Variants in INSL6 observed in about 807,000 individuals in gnomAD.
INSL6 encodes insulin-like peptide INSL6.
INSL6 carries 16 observed loss-of-function variants against 9.4 expected under a neutral mutation model. That is an observed-to-expected ratio of 1.70 (90% CI 1.15 to 2.59). The LOEUF (loss-of-function observed/expected upper bound fraction) is 2.59, where lower values mean the gene tolerates loss of function less well. INSL6 is among the 30% of genes most tolerant of loss of function. INSL6 has a pLI of 0.00. For missense variants in INSL6, 391 were observed against 257.3 expected (o/e 1.52, Z -3.56); for synonymous variants, 154 against 96.9 (o/e 1.59, Z -3.46).
chr9:5,061,263 A>G, the INSL6 span, among the ~76,000 whole-genome samples: 11 of 152,224 alleles, frequency 7.2e-5, no homozygotes, highest in Non-Finnish European at 1.3e-4. Context: ...GGGTCAGCCT[A>G]TCCTTTGAAG....
At chr9:5,111,012 G>A in the INSL6 span, 3 of 752,916 alleles carry the variant, frequency 4.0e-6, no homozygotes, top group Non-Finnish European at 6.7e-6. Flanking sequence ...CCAACGGGAA[G>A]GGCCGGCCCG....
intron 3 of INSL6, chr9:5,127,447 T>C (rs1247938802): frequency 1.3e-5 from 3 of 231,348 alleles, no homozygotes; most frequent in Non-Finnish European, 2.6e-5. Context: ...CTAGTTTTAT[T>C]TGTATAGGAA....
At chr9:5,054,969 T>C in the INSL6 span, 3 of 974,180 alleles carry the variant, frequency 3.1e-6, no homozygotes, top group Non-Finnish European at 4.5e-6. This position sits in a 1 kb window ranked among gnomAD's most constrained non-coding sequence, Gnocchi z 4.9. Context: ...ATTTGCAACA[T>C]GGTATTGCAC....
At chr9:5,049,573 T>G in the INSL6 span, among the ~76,000 whole-genome samples, 1 of 152,216 alleles carries the variant, frequency 6.6e-6, no homozygotes, top group African/African-American at 2.4e-5. Context: ...TGAAGGAGCT[T>G]TTGTGTGGTG....
the INSL6 span, among the ~76,000 whole-genome samples, chr9:5,095,478 G>A: frequency 6.6e-6 from 1 of 151,904 alleles, no homozygotes; most frequent in African/African-American, 2.4e-5. Context: ...CCGGGCAATG[G>A]ACAATAATAA....
the INSL6 span, among the ~76,000 whole-genome samples, chr9:5,026,027 C>A: frequency 3.9e-5 from 6 of 151,918 alleles, no homozygotes; most frequent in Admixed American, 3.9e-4. Context: ...TTCTTATTAT[C>A]CTTGACAAAG....
the INSL6 span, among the ~76,000 whole-genome samples, chr9:5,088,684 T>TG: frequency 3.3e-5 from 5 of 152,242 alleles, no homozygotes; most frequent in African/African-American, 1.2e-4. Context: ...CTGGAAAGTC[T>TG]GAGATCAAAG....
chr9:5,054,564 TAC>T, the INSL6 span: 4 of 1,573,346 alleles, frequency 2.5e-6, no homozygotes, highest in Non-Finnish European at 3.5e-6. The surrounding 1 kb of genome is among the most constrained non-coding windows in gnomAD (Gnocchi z 4.9). Flanking sequence ...TATCCCTAGC[TAC>T]AAGACATTCT....
chr9:5,022,134 A>G, the INSL6 span: 3 of 1,614,198 alleles, frequency 1.9e-6, no homozygotes, highest in South Asian at 2.2e-5. Context: ...CCCTTGGGAA[A>G]TCTGAGGCAG....
At chr9:5,036,907 C>T in the INSL6 span, among the ~76,000 whole-genome samples, 4 of 152,246 alleles carry the variant, frequency 2.6e-5, no homozygotes, top group South Asian at 4.1e-4. Context: ...AAAGAAACTA[C>T]CATCAGAGTG....
the INSL6 span, among the ~76,000 whole-genome samples, chr9:5,043,808 A>G: frequency 1.3e-5 from 2 of 152,254 alleles, no homozygotes; most frequent in African/African-American, 4.8e-5. Flanking sequence ...ATGTGGATGA[A>G]CCTTGAAAAC....
the INSL6 span, among the ~76,000 whole-genome samples, chr9:5,073,179 T>C: frequency 6.6e-6 from 1 of 152,236 alleles, no homozygotes; most frequent in South Asian, 2.1e-4. Context: ...TAATCCAGAA[T>C]ACCACAGTAT....
chr9:5,050,135 G>GAAGAT, the INSL6 span, among the ~76,000 whole-genome samples: 1 of 152,078 alleles, frequency 6.6e-6, no homozygotes, highest in East Asian at 1.9e-4. Flanking sequence ...TTTTTATGTA[G>GAAGAT]AAGATATAAT....
intron 2 of INSL6, among the ~76,000 whole-genome samples, chr9:5,139,558 A>C (rs1378148314): frequency 6.6e-6 from 1 of 152,196 alleles, no homozygotes; most frequent in Non-Finnish European, 1.5e-5. Flanking sequence ...TGGTTGCTTG[A>C]GGAAAGGAAC....
the INSL6 span, among the ~76,000 whole-genome samples, chr9:5,067,657 T>A: frequency 0.015 from 2,224 of 151,702 alleles, 40 homozygotes; most frequent in African/African-American, 0.05. Context: ...TTCAAAAAAA[T>A]ATATATATAT....
intron 1 of INSL6, among the ~76,000 whole-genome samples, chr9:5,182,502 G>A (rs1438468544): frequency 2.0e-5 from 3 of 152,002 alleles, no homozygotes; most frequent in Non-Finnish European, 4.4e-5. Context: ...GGCTTCATGA[G>A]GGTAGGAGCC....
At chr9:5,029,731 A>G in the INSL6 span, 2 of 1,482,348 alleles carry the variant, frequency 1.3e-6, no homozygotes. Flanking sequence ...GTGCTATGTA[A>G]AAATATTCTG....
At chr9:5,020,126 TAGG>T in the INSL6 span, among the ~76,000 whole-genome samples, 1 of 152,098 alleles carries the variant, frequency 6.6e-6, no homozygotes, top group Non-Finnish European at 1.5e-5. Flanking sequence ...GTAGCAGTGG[TAGG>T]AGAACCTCTG....
intron 3 of INSL6, chr9:5,127,558 G>GT (rs369216687): frequency 4.1e-4 from 95 of 231,212 alleles, no homozygotes; most frequent in African/African-American, 1.8e-3. Flanking sequence ...TGGTGAATGT[G>GT]TTTTTTAAAT....
Sources: allele counts gnomAD v4.1 joint callset (sites outside exome capture counted in the v4.1 genomes callset), GRCh38; gene constraint gnomAD v4.1.1; non-coding constraint Gnocchi (gnomAD v3.1); transcripts MANE v1.5; gene names NCBI Gene and HGNC (gene_info 2026-07-23, HGNC 2026-07-21).